THSD7A: variants seen among roughly 807,000 people sequenced by gnomAD.
The protein encoded by THSD7A is thrombospondin type 1 domain containing 7A.
Under a neutral mutation model 231.3 loss-of-function variants are expected in THSD7A, and 96 were observed. That is an observed-to-expected ratio of 0.41 (90% CI 0.35 to 0.49). The LOEUF is 0.49. THSD7A is among the 20% of genes least tolerant of loss of function. THSD7A has a pLI of 0.05. For synonymous variants in THSD7A, 940 were observed against 743.3 expected (o/e 1.26, Z -4.30); for missense variants, 2,290 against 2,070.2 (o/e 1.11, Z -2.06).
At chr7:11,573,102 G>A (rs1400365541) in intron 4 of THSD7A, among the ~76,000 whole-genome samples, 1 of 152,102 alleles carries the variant, frequency 6.6e-6, no homozygotes, top group Non-Finnish European at 1.5e-5. Context: ...GACCTTCTGG[G>A]ACCATAGTCT....
intron 11 of THSD7A, among the ~76,000 whole-genome samples, chr7:11,452,650 C>T (rs917057512): frequency 3.3e-5 from 5 of 151,932 alleles, no homozygotes; most frequent in African/African-American, 1.2e-4. Context: ...GGGTTAACTG[C>T]ATCAGAACAC....
intron 1 of THSD7A, among the ~76,000 whole-genome samples, chr7:11,740,734 G>A (rs927990750): frequency 6.6e-6 from 1 of 151,842 alleles, no homozygotes; most frequent in Non-Finnish European, 1.5e-5. Context: ...CCTGTCTTTA[G>A]ATTATGCTAT....
intron 6 of THSD7A, among the ~76,000 whole-genome samples, chr7:11,530,735 C>T (rs905056774): frequency 3.8e-4 from 58 of 152,236 alleles, no homozygotes; most frequent in Middle Eastern, 3.4e-3. Context: ...TCTGCCCAGG[C>T]ATGGTGGCTC....
rs1784611816 is a variant in THSD7A at position 11,814,124 on chromosome 7, C to T, written c.190+17633G>A. On this transcript the variant is annotated intron_variant, in intron 1 of 27. Coordinates refer to ENST00000423059, the MANE Select transcript of THSD7A (RefSeq NM_015204.3). The surrounding 1 kb of genome is among the most constrained non-coding windows in gnomAD (Gnocchi z 5.1). ...TAGAGAAAAAGTAGATTGGTATTTG[C>T]CCGGGACCTGGGCTGATGGCTCAGG... Among the ~76,000 whole-genome samples the T allele has an allele frequency of 6.6e-6, 1 of 152,244 alleles. No individual in the cohort carries two copies. Among genetic ancestry groups the T allele is most frequent in the Non-Finnish European group, 1.5e-5 (1 of 68,026 alleles).
intron 6 of THSD7A, among the ~76,000 whole-genome samples, chr7:11,531,707 A>G (rs565502199): frequency 6.6e-6 from 1 of 152,338 alleles, no homozygotes; most frequent in South Asian, 2.1e-4. Context: ...AAAAATTGGA[A>G]GAGAAACTGA....
At position 11,637,107 on chromosome 7, in the gene THSD7A, G is replaced by C. The variant is rs1247146263; in HGVS notation, c.191-146C>G. On this transcript the variant is annotated intron_variant, in intron 1 of 27. Transcript: ENST00000423059. This position sits in a 1 kb window ranked among gnomAD's most constrained non-coding sequence, Gnocchi z 4.2. ...GGTCTCTGGACACGACTGTTGGAAA[G>C]TAATGATCCTCGCTAAGTATTTTTG... 1 of 734,102 alleles carries C rather than the reference G, an allele frequency of 1.4e-6. No homozygotes were observed. The highest frequency in any genetic ancestry group is 2.9e-5 in the Admixed American group (1 of 34,230). 45.5% of individuals were successfully genotyped at this position (734,102 alleles called of 1,614,324 possible).
chr7:11,664,435 C>A (rs536240877), intron 1 of THSD7A, among the ~76,000 whole-genome samples: 2 of 151,834 alleles, frequency 1.3e-5, no homozygotes, highest in Non-Finnish European at 2.9e-5. Flanking sequence ...AGAGAACATA[C>A]CTCATAGGGA....
chr7:11,826,759 C>T (rs1785041008), intron 1 of THSD7A, among the ~76,000 whole-genome samples: 2 of 148,684 alleles, frequency 1.3e-5, no homozygotes, highest in African/African-American at 5.0e-5. Context: ...TTGCAGTGAG[C>T]CAAGATCATG....
At position 11,563,129 on chromosome 7, in the gene THSD7A, T is replaced by C. The variant is rs78517037; in HGVS notation, c.1454-20012A>G. On this transcript the variant is annotated intron_variant, in intron 4 of 27. Transcript: ENST00000423059. ...ATGTTCCTGTACTAAACTTGAATCATAGAAGTTTATTTCCTCTTGTCTTTC... is the reference window on the plus strand; with the variant it reads ...ATGTTCCTGTACTAAACTTGAATCACAGAAGTTTATTTCCTCTTGTCTTTC... Among the ~76,000 whole-genome samples the C allele has an allele frequency of 4.9e-4, 74 of 152,288 alleles. 1 individual carries two copies. In the East Asian group the frequency reaches 0.011, roughly 22 times the overall value.
rs542880379 is a variant in THSD7A, at chr7:11,711,144, A to G, written c.191-74183T>C. On this transcript the variant is annotated intron_variant, in intron 1 of 27. Coordinates refer to ENST00000423059, the MANE Select transcript of THSD7A (RefSeq NM_015204.3). ...TACTGGGAAAGTTGAAGTAATATAA[A>G]TTAATCAGAAATGAAAATGTGCTTT... is the stretch of plus-strand genomic sequence containing the variant. Among the ~76,000 whole-genome samples the G allele has an allele frequency of 2.6e-5, 4 of 150,982 alleles. 1 individual carries two copies. The highest frequency in any genetic ancestry group is 7.3e-5 in the African/African-American group (3 of 41,332).
At chr7:11,673,042 T>C (rs551126025) in intron 1 of THSD7A, among the ~76,000 whole-genome samples, 1 of 152,130 alleles carries the variant, frequency 6.6e-6, no homozygotes, top group East Asian at 1.9e-4. Context: ...CACCAAAATA[T>C]TGAGAAAACC....
chr7:11,534,742 A>C (rs1788844657), intron 6 of THSD7A, among the ~76,000 whole-genome samples: 1 of 152,216 alleles, frequency 6.6e-6, no homozygotes, highest in African/African-American at 2.4e-5. Context: ...TATAAAGGGA[A>C]TCAAAGAAGC....
intron 7 of THSD7A, among the ~76,000 whole-genome samples, chr7:11,480,702 C>A (rs1044475640): frequency 6.6e-6 from 1 of 152,084 alleles, no homozygotes; most frequent in African/African-American, 2.4e-5. Context: ...ATGTAACACT[C>A]ATGTGCAAAG....
Position 11,486,587 on chromosome 7 carries a change from GAACC to G in THSD7A, c.1823-4609_1823-4606del, listed in dbSNP as rs374996103. On this transcript the variant is annotated intron_variant, in intron 6 of 27. Coordinates refer to ENST00000423059, the MANE Select transcript of THSD7A (RefSeq NM_015204.3). The stretch of plus-strand genomic sequence containing the variant: ...GTAGTTCTATCACTGGTGTAGGTAT[GAACC>G]AACGCAACTTGTTTTTCTTCTTTAG... Among the ~76,000 whole-genome samples, 606 of 113,062 alleles carry G rather than the reference GAACC, an allele frequency of 5.4e-3. 2 individuals are homozygous for G. Among genetic ancestry groups the G allele is most frequent in the African/African-American group, 0.02 (582 of 28,886 alleles). The allele number at this position is 113,062 out of a possible 152,430, so 74.2% of individuals were successfully genotyped here.
intron 1 of THSD7A, among the ~76,000 whole-genome samples, chr7:11,662,846 T>C (rs1376728529): frequency 6.6e-6 from 1 of 151,364 alleles, no homozygotes; most frequent in East Asian, 1.9e-4. Context: ...ACAACTGATA[T>C]AAAAATATTT....
intron 1 of THSD7A, among the ~76,000 whole-genome samples, chr7:11,687,506 C>T (rs895759447): frequency 6.6e-6 from 1 of 151,844 alleles, no homozygotes; most frequent in African/African-American, 2.4e-5. Context: ...AATATCAAAA[C>T]ATTCTTCTCA....
chr7:11,577,674 G>A (rs1274254525), intron 4 of THSD7A, among the ~76,000 whole-genome samples: 1 of 151,002 alleles, frequency 6.6e-6, no homozygotes, highest in Admixed American at 6.7e-5. Flanking sequence ...AACAACAAGG[G>A]CTAAGTTTTC....
chr7:11,827,552 A>C (rs1785068622), intron 1 of THSD7A, among the ~76,000 whole-genome samples: 1 of 151,882 alleles, frequency 6.6e-6, no homozygotes, highest in Admixed American at 6.6e-5. Context: ...ACTTTCTTAG[A>C]CTGTTTCTCT....
intron 5 of THSD7A, among the ~76,000 whole-genome samples, chr7:11,542,405 C>T (rs1185143475): frequency 6.6e-6 from 1 of 152,180 alleles, no homozygotes; most frequent in Non-Finnish European, 1.5e-5. Flanking sequence ...ACCACGTCTA[C>T]CATAAGAAAA....
Sources: allele counts gnomAD v4.1 joint callset (sites outside exome capture counted in the v4.1 genomes callset), GRCh38; gene constraint gnomAD v4.1.1; non-coding constraint Gnocchi (gnomAD v3.1); transcripts MANE v1.5; gene names NCBI Gene and HGNC (gene_info 2026-07-23, HGNC 2026-07-21).